Variants in EDARADD observed in about 807,000 individuals in gnomAD.
EDARADD encodes the protein EDAR associated via death domain.
A neutral mutation model predicts 25.6 loss-of-function variants in EDARADD; 20 were observed. The observed-to-expected ratio is 0.78, with a 90% confidence interval of 0.55 to 1.14. The LOEUF (loss-of-function observed/expected upper bound fraction) is 1.14, where lower values mean the gene tolerates loss of function less well. EDARADD is among the 50% of genes most tolerant of loss of function. EDARADD has a pLI of 0.00. For missense variants in EDARADD, 225 were observed against 270.1 expected, an observed-to-expected ratio of 0.83 and a Z score of 1.17; for synonymous variants, 86 against 94.4, an observed-to-expected ratio of 0.91 and a Z score of 0.52.
At chr1:236,467,424 G>GTGCA (rs1659229337) in intron 4 of EDARADD, among the ~76,000 whole-genome samples, 2 of 120,800 alleles carry the variant, frequency 1.7e-5, no homozygotes, top group South Asian at 2.6e-4. Context: ...GCACACACAC[G>GTGCA]CGCACACACA....
intron 3 of EDARADD, among the ~76,000 whole-genome samples, chr1:236,418,910 T>TC (rs1367584532): frequency 5.3e-5 from 8 of 152,062 alleles, no homozygotes; most frequent in Non-Finnish European, 1.0e-4. Context: ...CCGCCCCCGC[T>TC]CCCCAAGCCT....
rs796610771 is a variant in EDARADD at position 236,363,030 on chromosome 1, T to TATATAA, written c.-6+12194_-6+12195insTAAATA. 1.2e-3 allele frequency among the ~76,000 whole-genome samples: 124 copies of TATATAA among 101,938 alleles called. 3 individuals carry two copies. Among genetic ancestry groups the TATATAA allele is most frequent in the Middle Eastern group, 0.011 (2 of 186 alleles). The allele number at this position is 101,938 out of a possible 152,430, so 66.9% of individuals were successfully genotyped here. Reference sequence around the variant, plus strand: ...AAATATATATATATATATATATATATATAAAATTTGTGTACAGACAGAGTC... The same window carrying TATATAA: ...AAATATATATATATATATATATATATATATAAATAAAATTTGTGTACAGACAGAGTC... On this transcript the variant is annotated intron_variant, in intron 3 of 7. Coordinates refer to the EDARADD transcript ENST00000439430.
chr1:236,479,358 G>A (rs887438128), intron 5 of EDARADD, among the ~76,000 whole-genome samples: 3 of 151,956 alleles, frequency 2.0e-5, no homozygotes, highest in African/African-American at 7.3e-5. Flanking sequence ...AGCCAGGTGT[G>A]TTGGTGCATG....
intron 4 of EDARADD, among the ~76,000 whole-genome samples, chr1:236,429,205 C>CGGGAGT (rs1658027015): frequency 1.5e-5 from 2 of 137,638 alleles, no homozygotes; most frequent in Non-Finnish European, 3.1e-5. Flanking sequence ...GGAGCGGGAG[C>CGGGAGT]GGGAGAGGGA....
chr1:236,439,574 G>C (rs1404195647), intron 4 of EDARADD, among the ~76,000 whole-genome samples: 3 of 152,104 alleles, frequency 2.0e-5, no homozygotes, highest in Non-Finnish European at 2.9e-5. Flanking sequence ...TCTTATTGTT[G>C]TTTTAATTTG....
chr1:236,437,136 C>T (rs796185776), intron 4 of EDARADD, among the ~76,000 whole-genome samples: 20 of 152,124 alleles, frequency 1.3e-4, no homozygotes, highest in African/African-American at 3.9e-4. Flanking sequence ...ACAGAAGCTC[C>T]GTAGGCAAGT....
At chr1:236,450,430 A>G (rs1658679439) in intron 4 of EDARADD, among the ~76,000 whole-genome samples, 1 of 152,042 alleles carries the variant, frequency 6.6e-6, no homozygotes, top group Non-Finnish European at 1.5e-5. Context: ...TTCACTTACT[A>G]CAGTATCATA....
intron 3 of EDARADD, among the ~76,000 whole-genome samples, chr1:236,355,491 C>T (rs1271874194): frequency 2.6e-5 from 3 of 114,776 alleles, no homozygotes; most frequent in Non-Finnish European, 5.2e-5. Context: ...TTCTCTTCTG[C>T]TTCTTCTTCT....
At chr1:236,454,848 C>G (rs1558130025) in intron 4 of EDARADD, among the ~76,000 whole-genome samples, 1 of 152,310 alleles carries the variant, frequency 6.6e-6, no homozygotes, top group East Asian at 1.9e-4. Flanking sequence ...TGATACTCAT[C>G]TGGCAGAATG....
chr1:236,400,715 C>T (rs1265405466), intron 1 of EDARADD, among the ~76,000 whole-genome samples: 5 of 138,786 alleles, frequency 3.6e-5, no homozygotes, highest in Middle Eastern at 3.6e-3. Context: ...CCACCACACC[C>T]GGCTATTTTT....
chr1:236,472,087 T>C (rs1659375176), intron 5 of EDARADD, among the ~76,000 whole-genome samples: 1 of 152,136 alleles, frequency 6.6e-6, no homozygotes, highest in Non-Finnish European at 1.5e-5. Flanking sequence ...CTTTACAGTA[T>C]AATTTTAAAA....
chr1:236,454,815 A>G (rs1253620), intron 4 of EDARADD, among the ~76,000 whole-genome samples: 1 of 152,000 alleles, frequency 6.6e-6, no homozygotes, highest in Non-Finnish European at 1.5e-5. Flanking sequence ...CTAGGGAGAT[A>G]TAGACTTTTC....
At chr1:236,391,950 A>G (rs568129406), upstream of EDARADD, among the ~76,000 whole-genome samples, 2 of 152,240 alleles carry the variant, frequency 1.3e-5, no homozygotes, top group East Asian at 3.9e-4. Flanking sequence ...GCTTCCATAC[A>G]TCTTCAGTGC....
chr1:236,437,441 G>T (rs1425112310), intron 4 of EDARADD, among the ~76,000 whole-genome samples: 1 of 152,094 alleles, frequency 6.6e-6, no homozygotes, highest in Non-Finnish European at 1.5e-5. Flanking sequence ...GGGTAAAAAG[G>T]CAGAGTTCTA....
chr1:236,350,333 G>C (rs991081041), intron 2 of EDARADD, among the ~76,000 whole-genome samples: 5 of 152,168 alleles, frequency 3.3e-5, no homozygotes, highest in Non-Finnish European at 7.4e-5. Context: ...GAGAATTTAT[G>C]GTTTGTAGGG....
At chr1:236,394,599 C>T (rs916599090) in intron 1 of EDARADD, 94 bp downstream of exon 1, 44 of 1,074,952 alleles carry the variant, frequency 4.1e-5, no homozygotes, top group Non-Finnish European at 5.8e-5. Context: ...ATATTATACA[C>T]TAAATACTAT....
At chr1:236,416,459 T>C (rs936258221) in intron 3 of EDARADD, among the ~76,000 whole-genome samples, 3 of 152,192 alleles carry the variant, frequency 2.0e-5, no homozygotes, top group Admixed American at 6.5e-5. Flanking sequence ...TGATTTCCTG[T>C]TTTGAAAGAA....
intron 1 of EDARADD, among the ~76,000 whole-genome samples, chr1:236,407,718 C>T (rs757795578): frequency 2.0e-5 from 3 of 152,116 alleles, no homozygotes; most frequent in Admixed American, 6.5e-5. Flanking sequence ...GAGGATCCCA[C>T]GCAAAAAGAT....
intron 4 of EDARADD, among the ~76,000 whole-genome samples, chr1:236,457,629 G>A (rs896460501): frequency 3.9e-5 from 6 of 152,004 alleles, no homozygotes; most frequent in African/African-American, 7.3e-5. Context: ...GACCATCCTG[G>A]CCAACATGGT....
Sources: gnomAD v4.1 joint callset for allele counts (sites outside exome capture counted in the v4.1 genomes callset) on GRCh38, gnomAD v4.1.1 for gene constraint, MANE v1.5 for transcripts, NCBI Gene and HGNC (gene_info 2026-07-23, HGNC 2026-07-21) for gene names.